Variants in CSRNP1 observed in about 807,000 individuals in gnomAD.
CSRNP1 encodes the protein cysteine/serine-rich nuclear protein 1.
A neutral mutation model predicts 25.0 loss-of-function variants in CSRNP1; 8 were observed. The ratio of observed to expected loss-of-function variants is 0.32; its 90% CI spans 0.19 to 0.58. CSRNP1 has a LOEUF of 0.58. CSRNP1 is among the 20% of genes least tolerant of loss of function. The probability of loss-of-function intolerance (pLI) is 0.88; values close to 1 mark genes in which losing one functional copy is unlikely to be tolerated. For synonymous variants in CSRNP1, 305 were observed against 303.1 expected (o/e 1.01, Z -0.06); for missense variants, 691 against 773.1 (o/e 0.89, Z 1.26).
rs868231312 is a variant in CSRNP1, at chr3:39,143,141, G to A, written c.1684C>T (p.Pro562Ser). ...FLESLMGFSE[P>S]AAEALDPFID... is the part of the protein sequence containing the mutation. Reference sequence around the variant, plus strand: ...AAGGGATCTAGGGCTTCGGCGGCTGGCTCGGAGAAGCCCATGAGGGACTCC... The same window carrying A: ...AAGGGATCTAGGGCTTCGGCGGCTGACTCGGAGAAGCCCATGAGGGACTCC... Residue 562 changes from proline to serine, a missense_variant, in exon 5 of 5, where the codon CCA becomes TCA. Physicochemically the swap from Pro to Ser is moderately conservative, Grantham distance 74. Coordinates refer to ENST00000273153, the MANE Select transcript of CSRNP1 (RefSeq NM_033027.4). The A allele has an allele frequency of 8.7e-6, 14 of 1,614,068 alleles. No individual in the cohort carries two copies. In the Middle Eastern group the frequency reaches 6.6e-4, roughly 76 times the overall value.
At chr3:39,144,090 A>G (rs1458779605) in intron 4 of CSRNP1, 46 bp from the exon 5 acceptor site, 2 of 1,606,000 alleles carry the variant, frequency 1.2e-6, no homozygotes, top group African/African-American at 2.7e-5. Flanking sequence ...GTGGAGTGCA[A>G]AGAAGTCCCC....
Position 39,145,016 on chromosome 3 carries a change from A to C in CSRNP1, c.446T>G (p.Leu149Trp). ...KLRQRLKEEK[L>W]EMLQWKLSAA... ...CTCTACCTTCCACTGCAGCATCTCC[A>C]ACTTCTCCTCTTTCAAGCGCTGGCG... Residue 149 changes from leucine to tryptophan, a missense_variant, in exon 3 of 5, where the codon TTG becomes TGG. Transcript: ENST00000273153. 1 of 1,611,012 alleles carries C rather than the reference A, an allele frequency of 6.2e-7. No individual in the cohort carries two copies. The highest frequency in any genetic ancestry group is 8.5e-7 in the Non-Finnish European group (1 of 1,177,710).
intron 1 of CSRNP1, chr3:39,151,867 T>A (rs1442388607): frequency 8.5e-5 from 13 of 152,416 alleles, no homozygotes; most frequent in African/African-American, 2.6e-4. Context: ...AGGTGCCAAA[T>A]GTTTGCTGGC....
chr3:39,153,199 C>G (rs1396166367), intron 1 of CSRNP1: 1 of 152,672 alleles, frequency 6.5e-6, no homozygotes, highest in African/African-American at 2.4e-5. Flanking sequence ...CGTGACTTCT[C>G]TCGGGGTTAC....
At position 39,145,114 on chromosome 3, in the gene CSRNP1, G is replaced by A; in HGVS notation, c.348C>T (p.Arg116=). 1 of 1,614,276 alleles carries A rather than the reference G, an allele frequency of 6.2e-7. No homozygotes were observed. Among genetic ancestry groups the A allele is most frequent in the Non-Finnish European group, 8.5e-7 (1 of 1,180,042 alleles). The change falls in exon 3 of 5, where the codon CGC becomes CGT. Residue 116 remains arginine (R), a synonymous_variant. Coordinates refer to ENST00000273153, the MANE Select transcript of CSRNP1 (RefSeq NM_033027.4). ...AAGAGAAGCGACGGCAAGCACTGTG[G>A]CGAAGGGCCATACCCAGAGTACAGC... ...RGGCTLGMAL[R]HSACRRFSLA...
intron 2 of CSRNP1, 107 bp from the exon 3 acceptor site, chr3:39,145,363 TC>T: frequency 1.5e-6 from 2 of 1,311,598 alleles, no homozygotes; most frequent in Non-Finnish European, 2.1e-6. Flanking sequence ...TTTTCCCTCC[TC>T]CCTCTCCACC....
Position 39,143,954 on chromosome 3 carries a change from T to C in CSRNP1, c.871A>G (p.Thr291Ala), listed in dbSNP as rs773551314. The change falls in exon 5 of 5, where the codon ACC becomes GCC. Residue 291 changes from threonine to alanine, a missense_variant. Thr to Ala is a moderately conservative substitution (Grantham distance 58). Transcript: ENST00000273153. ...CGGGTGAGTGTGTGGATGAAATGGG[T>C]CTGAACTCTTGCCTGATTAAATTCC... is the stretch of plus-strand genomic sequence containing the variant. The part of the protein sequence containing the change: ...RVEFNQARVQ[T>A]HFIHTLTRLQ... The C allele has an allele frequency of 1.9e-6, 3 of 1,614,068 alleles. No individual in the cohort carries two copies. In the South Asian group the frequency reaches 3.3e-5, roughly 18 times the overall value.
intron 3 of CSRNP1, among the ~76,000 whole-genome samples, chr3:39,144,690 T>C (rs2039479929): frequency 6.6e-6 from 1 of 151,240 alleles, no homozygotes; most frequent in Non-Finnish European, 1.5e-5. Flanking sequence ...ACAGACTCCC[T>C]TTCCTAACCA....
chr3:39,144,270 A>G lies in CSRNP1; in HGVS notation c.647T>C (p.Val216Ala). Residue 216 changes from valine (V) to alanine (A), a missense_variant, in exon 4 of 5, where the codon GTG (valine) becomes GCG (alanine). By Grantham distance (64) the Val-to-Ala change is moderately conservative. Coordinates refer to ENST00000273153, the MANE Select transcript of CSRNP1 (RefSeq NM_033027.4). ...CTTCTCCTCCCGATCGATCCTTCGC[A>G]CACCTGAAGCCCTCAGCAGAGCTCG... ...RRRALLRASG[V>A]RRIDREEKRE... 1 of 1,614,102 alleles carries G rather than the reference A, an allele frequency of 6.2e-7. No individual in the cohort carries two copies. The highest frequency in any genetic ancestry group is 8.5e-7 in the Non-Finnish European group (1 of 1,180,006).
rs763134126 is a variant in CSRNP1, at chr3:39,142,075, C to T, written c.*980G>A. 1 of 152,614 alleles carries T rather than the reference C, an allele frequency of 6.6e-6. No individual in the cohort carries two copies. The highest frequency in any genetic ancestry group is 2.4e-5 in the African/African-American group (1 of 41,454). The allele number at this position is 152,614 out of a possible 1,614,324, so 9.5% of individuals were successfully genotyped here. On this transcript the variant is annotated 3_prime_UTR_variant, in exon 5 of 5. Coordinates refer to ENST00000273153, the MANE Select transcript of CSRNP1 (RefSeq NM_033027.4). ...ATTAGCAAACAAAGGGTATAAAAAC[C>T]CTCAGGAGCCACCCCTCGCCAACTG...
Position 39,143,212 on chromosome 3 carries a change from G to A in CSRNP1, c.1613C>T (p.Pro538Leu). Reference sequence around the variant, plus strand: ...CCCAGGTGGAGACAGGCCAGGCAGGGGGAAGTGAGGTGCCTCGATGTTGTC... The same window carrying A: ...CCCAGGTGGAGACAGGCCAGGCAGGAGGAAGTGAGGTGCCTCGATGTTGTC... ...SLDNIEAPHF[P>L]LPGLSPPGDA... The change falls in exon 5 of 5, where the codon CCC (proline) becomes CTC (leucine). Residue 538 changes from proline to leucine, a missense_variant. Coordinates refer to ENST00000273153, the MANE Select transcript of CSRNP1 (RefSeq NM_033027.4). 3 of 1,614,214 alleles carry A rather than the reference G, an allele frequency of 1.9e-6. No individual in the cohort carries two copies. The highest frequency in any genetic ancestry group is 2.5e-6 in the Non-Finnish European group (3 of 1,180,036).
At chr3:39,145,374 C>A (rs1257479421) in intron 2 of CSRNP1, 118 bp from the exon 3 acceptor site, 92 of 1,257,704 alleles carry the variant, frequency 7.3e-5, no homozygotes, top group Non-Finnish European at 9.6e-5. Context: ...CCCTCTCCAC[C>A]CATTTTGAAA....
Position 39,146,520 on chromosome 3 carries a change from G to T in CSRNP1, c.163C>A (p.Pro55Thr), listed in dbSNP as rs1426308440. ...SEEEGPWDQM[P>T]LPDRDFCGPR... is the part of the protein sequence containing the mutation. ...CCGCAGAAGTCACGGTCAGGCAGGG[G>T]CATCTGATCCCAGGGGCCTTCCTCC... Residue 55 changes from proline to threonine, a missense_variant, in exon 2 of 5, where the codon CCC becomes ACC. Coordinates refer to ENST00000273153, the MANE Select transcript of CSRNP1 (RefSeq NM_033027.4). 6.4e-7 allele frequency: 1 copy of T among 1,550,834 alleles called. No homozygotes were observed. The highest frequency in any genetic ancestry group is 2.0e-5 in the Admixed American group (1 of 50,946).
chr3:39,147,917 T>C (rs2039539167), intron 1 of CSRNP1, among the ~76,000 whole-genome samples: 2 of 152,144 alleles, frequency 1.3e-5, no homozygotes, highest in South Asian at 4.1e-4. Context: ...GCCCCAGTGC[T>C]GGGGAACCCT....
intron 2 of CSRNP1, among the ~76,000 whole-genome samples, chr3:39,146,265 G>T (rs1453274471): frequency 6.6e-6 from 1 of 152,182 alleles, no homozygotes; most frequent in African/African-American, 2.4e-5. Context: ...GCTGCATCCC[G>T]GATGTCATCA....
chr3:39,146,742 G>T lies in CSRNP1; in HGVS notation c.-40-20C>A. ...GACAGCCTGGAATAGGAATGAGAAG[G>T]CTCTAAGTGGCAGGCAGGCAGCAGC... is the stretch of plus-strand genomic sequence containing the variant. On this transcript the variant is annotated intron_variant, in intron 1 of 4. Coordinates refer to ENST00000273153, the MANE Select transcript of CSRNP1 (RefSeq NM_033027.4). 6.5e-7 allele frequency: 1 copy of T among 1,534,858 alleles called. No homozygotes were observed.
At position 39,145,223 on chromosome 3, in the gene CSRNP1, C is replaced by T. The variant is rs375727374; in HGVS notation, c.239G>A (p.Arg80His). 2.4e-5 allele frequency: 39 copies of T among 1,608,324 alleles called. No homozygotes were observed. Among genetic ancestry groups the T allele is most frequent in the Admixed American group, 1.5e-4 (9 of 59,670 alleles). Residue 80 changes from arginine to histidine, a missense_variant, in exon 3 of 5, where the codon CGC becomes CAC. Arg to His is a conservative substitution (Grantham distance 29). Coordinates refer to ENST00000273153, the MANE Select transcript of CSRNP1 (RefSeq NM_033027.4). The stretch of plus-strand genomic sequence containing the variant: ...CCCATCAAAGGCTACACGGCCTGGG[C>T]GCTCCCGGCGAGCCCGCTTCAGGAT... ...LSILKRARRE[R>H]PGRVAFDGIT...
chr3:39,154,325 C>G (rs2039628721), upstream of CSRNP1: 1 of 152,222 alleles, frequency 6.6e-6, no homozygotes, highest in Admixed American at 6.5e-5. Flanking sequence ...TGGTTTCTTC[C>G]GGGCCAGATC....
chr3:39,144,214 C>G lies in CSRNP1; in HGVS notation c.703G>C (p.Glu235Gln). ...RELQALRQSR[E>Q]DCGCHCDRIC... Reference sequence around the variant, plus strand: ...CTATCGCAGTGACAGCCACAATCCTCCCGGGATTGGCGCAGTGCCTGCAGC... The same window carrying G: ...CTATCGCAGTGACAGCCACAATCCTGCCGGGATTGGCGCAGTGCCTGCAGC... Residue 235 changes from glutamate (E) to glutamine (Q), a missense_variant, in exon 4 of 5, where the codon GAG becomes CAG. Physicochemically the swap from Glu to Gln is conservative, Grantham distance 29. Transcript: ENST00000273153. 1 of 1,614,190 alleles carries G rather than the reference C, an allele frequency of 6.2e-7. No individual in the cohort carries two copies. The highest frequency in any genetic ancestry group is 8.5e-7 in the Non-Finnish European group (1 of 1,180,032).
Sources: gnomAD v4.1 joint callset for allele counts (sites outside exome capture counted in the v4.1 genomes callset) on GRCh38, gnomAD v4.1.1 for gene constraint, MANE v1.5 for transcripts, NCBI Gene and HGNC (gene_info 2026-07-23, HGNC 2026-07-21) for gene names.